Variants in ARMH3 observed in about 807,000 individuals in gnomAD.
ARMH3 encodes armadillo-like helical domain-containing protein 3.
In ARMH3, 60 loss-of-function variants were observed where a neutral mutation model predicts 99.1. The observed-to-expected ratio is 0.61, with a 90% CI of 0.49 to 0.75. The LOEUF is 0.75. ARMH3 is among the 30% of genes least tolerant of loss of function. The pLI is 0.00. For synonymous variants in ARMH3, 285 were observed against 292.8 expected (o/e 0.97, Z 0.27); for missense variants, 679 against 843.1 (o/e 0.81, Z 2.41).
intron 4 of ARMH3, among the ~76,000 whole-genome samples, 157 bp from the exon 5 acceptor site, chr10:102,029,902 G>A (rs1026163109): frequency 3.3e-5 from 5 of 150,604 alleles, no homozygotes; most frequent in African/African-American, 9.7e-5. Flanking sequence ...GGTTTTTTCC[G>A]TTTGGTTCGG....
chr10:102,045,197 C>T (rs567304313), intron 1 of ARMH3, among the ~76,000 whole-genome samples: 3 of 151,524 alleles, frequency 2.0e-5, no homozygotes, highest in Admixed American at 1.3e-4. Context: ...TGTACAGATC[C>T]GACATTTATT....
chr10:101,896,097 G>A (rs2067826344), intron 23 of ARMH3, among the ~76,000 whole-genome samples: 1 of 152,186 alleles, frequency 6.6e-6, no homozygotes, highest in Non-Finnish European at 1.5e-5. Context: ...CGGGTATGGT[G>A]GCGTGTGCCG....
At position 101,864,949 on chromosome 10, in the gene ARMH3, T is replaced by A. The variant is rs547911479; in HGVS notation, c.1861-15057A>T. 6.6e-4 allele frequency among the ~76,000 whole-genome samples: 99 copies of A among 150,476 alleles called. 1 individual carries two copies. In the South Asian group the frequency reaches 8.7e-3, roughly 13 times the overall value. ...CCCTGACGCAGCTCAAAAAAAAAAA[T>A]TTTTTTTTAATTATATTAAAGCTTT... On this transcript the variant is annotated intron_variant, in intron 24 of 25. Coordinates refer to ENST00000370033, the MANE Select transcript of ARMH3 (RefSeq NM_024541.3).
At chr10:101,873,237 A>G (rs1224847384) in intron 24 of ARMH3, among the ~76,000 whole-genome samples, 1 of 150,964 alleles carries the variant, frequency 6.6e-6, no homozygotes, top group East Asian at 2.0e-4. Flanking sequence ...CCCCGTCTCT[A>G]CTAAAAATAC....
chr10:101,976,794 C>T (rs923339217), intron 19 of ARMH3, among the ~76,000 whole-genome samples: 1 of 152,096 alleles, frequency 6.6e-6, no homozygotes, highest in Non-Finnish European at 1.5e-5. Flanking sequence ...ACCCTGTAGG[C>T]ATGCACCACC....
chr10:102,002,203 G>C, intron 14 of ARMH3, 131 bp from the exon 15 acceptor site: 1 of 1,359,390 alleles, frequency 7.4e-7, no homozygotes, highest in East Asian at 2.4e-5. Context: ...GGAGGACCAA[G>C]TGCTCATCAC....
At chr10:101,946,782 A>G (rs1156559641) in intron 22 of ARMH3, among the ~76,000 whole-genome samples, 1 of 152,122 alleles carries the variant, frequency 6.6e-6, no homozygotes, top group East Asian at 1.9e-4. Context: ...ACTTCCCCAA[A>G]TTTGGTGAGA....
At chr10:102,029,019 C>T (rs761719316) in intron 5 of ARMH3, among the ~76,000 whole-genome samples, 5 of 152,134 alleles carry the variant, frequency 3.3e-5, no homozygotes, top group Non-Finnish European at 4.4e-5. Context: ...GACTTACAGG[C>T]ACGTGCCACC....
intron 20 of ARMH3, among the ~76,000 whole-genome samples, chr10:101,960,537 G>C (rs915156662): frequency 6.6e-6 from 1 of 152,076 alleles, no homozygotes; most frequent in Admixed American, 6.5e-5. Flanking sequence ...CCCCAAACTA[G>C]CTGGTGACTA....
At chr10:101,944,970 C>CT (rs896973343) in intron 22 of ARMH3, among the ~76,000 whole-genome samples, 2 of 152,178 alleles carry the variant, frequency 1.3e-5, no homozygotes, top group South Asian at 4.1e-4. Flanking sequence ...ACAAAAATAT[C>CT]TTTTTAAAAA....
intron 23 of ARMH3, among the ~76,000 whole-genome samples, chr10:101,930,591 A>T (rs1447371931): frequency 2.0e-5 from 3 of 152,180 alleles, no homozygotes; most frequent in Admixed American, 6.5e-5. Context: ...CAAAGGACTG[A>T]AAGTGATAGA....
chr10:101,971,125 T>C, intron 20 of ARMH3, among the ~76,000 whole-genome samples: 2 of 111,754 alleles, frequency 1.8e-5, no homozygotes, highest in Middle Eastern at 0.012. Flanking sequence ...AAAGCAAACA[T>C]AGCAAAACAA....
At chr10:101,945,454 G>A (rs577596990) in intron 22 of ARMH3, among the ~76,000 whole-genome samples, 51 of 152,014 alleles carry the variant, frequency 3.4e-4, no homozygotes, top group Non-Finnish European at 8.8e-5. Context: ...ACGGTGGCTC[G>A]CGCTTGTAAT....
chr10:101,909,469 T>TTA (rs1371010645), intron 23 of ARMH3, among the ~76,000 whole-genome samples: 2 of 139,414 alleles, frequency 1.4e-5, no homozygotes, highest in East Asian at 4.2e-4. Context: ...TCCTCTTTTT[T>TTA]TTTTTTTTTT....
intron 13 of ARMH3, among the ~76,000 whole-genome samples, chr10:102,007,167 A>AAAAAAAAAAAG: frequency 6.7e-6 from 1 of 149,138 alleles, no homozygotes; most frequent in Non-Finnish European, 1.5e-5. Context: ...CTCAAAAAAA[A>AAAAAAAAAAAG]AAAAAAAAAA....
chr10:101,881,553 G>T (rs560843003), intron 24 of ARMH3, among the ~76,000 whole-genome samples: 205 of 151,838 alleles, frequency 1.4e-3, no homozygotes, highest in Non-Finnish European at 2.3e-3. Flanking sequence ...CATGTGTGGG[G>T]TTTTTTTTAA....
chr10:102,027,338 T>C (rs1007583439), intron 5 of ARMH3, among the ~76,000 whole-genome samples: 6 of 148,468 alleles, frequency 4.0e-5, no homozygotes, highest in South Asian at 2.1e-4. Context: ...TGGTGAGAGA[T>C]AGCATAATAG....
chr10:101,882,735 G>C (rs953361928), intron 24 of ARMH3, among the ~76,000 whole-genome samples: 1 of 152,130 alleles, frequency 6.6e-6, no homozygotes, highest in Non-Finnish European at 1.5e-5. Flanking sequence ...CTGACCTCGT[G>C]ATCTGCCCGC....
chr10:101,956,676 C>G lies in ARMH3; in HGVS notation c.1626G>C (p.Leu542=), dbSNP rs1473473036. ...GTTCATCATAGCTGCTGGGGGTTGG[C>G]AGAAATGTGTCGCCATATGTGATAA... is the stretch of plus-strand genomic sequence containing the variant. ...NMFITYGDTF[L]PTPSSYDELY... is the part of the protein sequence containing the mutation. The change falls in exon 22 of 26, where the codon CTG becomes CTC. Residue 542 remains leucine, a synonymous_variant. Transcript: ENST00000370033. 2 of 1,613,370 alleles carry G rather than the reference C, an allele frequency of 1.2e-6. No homozygotes were observed. The highest frequency in any genetic ancestry group is 1.7e-6 in the Non-Finnish European group (2 of 1,179,588).
Sources: allele counts gnomAD v4.1 joint callset (sites outside exome capture counted in the v4.1 genomes callset), GRCh38; gene constraint gnomAD v4.1.1; transcripts MANE v1.5; gene names NCBI Gene and HGNC (gene_info 2026-07-23, HGNC 2026-07-21).